Variants in WDPCP observed in about 807,000 individuals in gnomAD.
WDPCP encodes the protein WD repeat containing planar cell polarity effector, also known as WD repeat-containing and planar cell polarity effector protein fritz homolog.
Under a neutral mutation model 93.1 loss-of-function variants are expected in WDPCP, and 71 were observed. The ratio of observed to expected loss-of-function variants is 0.76; its 90% CI spans 0.63 to 0.93. The LOEUF is 0.93. Among genes scored for constraint, WDPCP ranks in the 40% least tolerant of loss-of-function variants. The pLI, the probability that WDPCP is intolerant of heterozygous loss-of-function variation, is 0.00. For synonymous variants in WDPCP, 315 were observed against 315.0 expected, an observed-to-expected ratio of 1.00 and a Z score of 0.00; for missense variants, 844 against 887.4, an observed-to-expected ratio of 0.95 and a Z score of 0.62.
At chr2:63,254,548 A>G (rs1045354528) in intron 14 of WDPCP, among the ~76,000 whole-genome samples, 1 of 152,148 alleles carries the variant, frequency 6.6e-6, no homozygotes, top group Non-Finnish European at 1.5e-5. Flanking sequence ...ATAATTATAT[A>G]TTAATATGCA....
intron 15 of WDPCP, among the ~76,000 whole-genome samples, chr2:63,156,854 T>C (rs1672292437): frequency 6.6e-6 from 1 of 152,198 alleles, no homozygotes; most frequent in Admixed American, 6.5e-5. Context: ...AAGGGATGGT[T>C]TCATTTCTTC....
In WDPCP at chr2:63,798,892, T is replaced by C. The variant is rs556130203; in HGVS notation, n.308+14730A>G. Among the ~76,000 whole-genome samples, 5 of 152,238 alleles carry C rather than the reference T, an allele frequency of 3.3e-5. No individual in the cohort carries two copies. The South Asian group carries it at 6.2e-4, about 19-fold the overall frequency. ...TAAAGGAATGGAACAATATATTCCA[T>C]GCCAATTAAAACAAACAAACAGATT... On this transcript the variant is annotated intron_variant and non_coding_transcript_variant, in intron 2 of 4. Coordinates refer to the WDPCP transcript ENST00000467687.
At chr2:63,545,570 C>T (rs111381424) in intron 1 of WDPCP, among the ~76,000 whole-genome samples, 34 of 151,894 alleles carry the variant, frequency 2.2e-4, no homozygotes, top group Non-Finnish European at 3.4e-4. Flanking sequence ...ATAATCTACC[C>T]GAACATTTTA....
chr2:63,358,794 G>C (rs1274599349), intron 12 of WDPCP, among the ~76,000 whole-genome samples: 1 of 152,098 alleles, frequency 6.6e-6, no homozygotes, highest in Middle Eastern at 3.2e-3. Flanking sequence ...GGTCAGCATA[G>C]ATGCAATTTA....
intron 1 of WDPCP, among the ~76,000 whole-genome samples, chr2:63,505,798 T>G (rs1701833106): frequency 6.6e-6 from 1 of 152,114 alleles, no homozygotes; most frequent in East Asian, 1.9e-4. Flanking sequence ...ACAAAGCATC[T>G]ACTAAGTGCA....
intron 6 of WDPCP, among the ~76,000 whole-genome samples, chr2:63,463,361 C>G (rs1278481092): frequency 6.6e-6 from 1 of 152,016 alleles, no homozygotes; most frequent in Non-Finnish European, 1.5e-5. Flanking sequence ...AATGGAGACT[C>G]TAAATACAGA....
chr2:63,233,380 A>G (rs1201353000), intron 14 of WDPCP: 11 of 248,676 alleles, frequency 4.4e-5, no homozygotes, highest in Non-Finnish European at 8.7e-5. Flanking sequence ...ATAAATCCAC[A>G]GAGTCTACAC....
At chr2:63,548,023 TCA>T (rs1165180670) in intron 1 of WDPCP, among the ~76,000 whole-genome samples, 37 of 152,170 alleles carry the variant, frequency 2.4e-4, no homozygotes, top group African/African-American at 7.5e-4. Flanking sequence ...ATCAAAATTA[TCA>T]CATACTCTGA....
intron 10 of WDPCP, among the ~76,000 whole-genome samples, chr2:63,389,263 G>A (rs574179651): frequency 6.6e-6 from 1 of 152,142 alleles, no homozygotes; most frequent in Admixed American, 6.6e-5. Flanking sequence ...TTAAAGAAAA[G>A]AATTTTCAAC....
chr2:63,680,365 G>A (rs1322781297), intron 2 of WDPCP, among the ~76,000 whole-genome samples: 1 of 152,236 alleles, frequency 6.6e-6, no homozygotes, highest in Non-Finnish European at 1.5e-5. Context: ...GCACAGCATG[G>A]AGAATCTGTG....
chr2:63,162,620 A>C (rs1349618113), intron 15 of WDPCP, among the ~76,000 whole-genome samples: 1 of 152,170 alleles, frequency 6.6e-6, no homozygotes, highest in African/African-American at 2.4e-5. Flanking sequence ...CTTATTATTA[A>C]ATATTTCATG....
intron 1 of WDPCP, among the ~76,000 whole-genome samples, chr2:63,532,981 C>T (rs1225120386): frequency 6.6e-6 from 1 of 152,024 alleles, no homozygotes; most frequent in East Asian, 1.9e-4. Context: ...TGTGCAGAGA[C>T]ACATATAGAC....
At chr2:63,638,933 A>G (rs1424060950) in intron 3 of WDPCP, among the ~76,000 whole-genome samples, 2 of 152,246 alleles carry the variant, frequency 1.3e-5, no homozygotes, top group Non-Finnish European at 2.9e-5. Context: ...AGAAGAAAAC[A>G]GGGATATCAT....
chr2:63,792,900 T>C (rs1396486368), intron 2 of WDPCP, among the ~76,000 whole-genome samples: 1 of 151,492 alleles, frequency 6.6e-6, no homozygotes, highest in East Asian at 1.9e-4. Flanking sequence ...AATAACATCA[T>C]AGATTCAAAT....
At chr2:63,288,422 T>G (rs573697086) in intron 13 of WDPCP, among the ~76,000 whole-genome samples, 1 of 152,344 alleles carries the variant, frequency 6.6e-6, no homozygotes, top group Non-Finnish European at 1.5e-5. Flanking sequence ...GCAGCATTTC[T>G]GTGGCCAAAT....
chr2:63,398,059 C>T (rs1480703022), intron 10 of WDPCP, among the ~76,000 whole-genome samples: 1 of 152,076 alleles, frequency 6.6e-6, no homozygotes, highest in African/African-American at 2.4e-5. Flanking sequence ...AGTGGTGGCG[C>T]TAGTCTTGGA....
the WDPCP span, among the ~76,000 whole-genome samples, chr2:63,834,672 AC>A: frequency 3.3e-5 from 5 of 152,336 alleles, no homozygotes; most frequent in African/African-American, 9.6e-5. Context: ...TGATAAAAAA[AC>A]ATCTAATAAT....
At chr2:63,565,218 C>T (rs145068319) in intron 1 of WDPCP, among the ~76,000 whole-genome samples, 10 of 152,280 alleles carry the variant, frequency 6.6e-5, no homozygotes, top group African/African-American at 2.4e-4. Context: ...AAATTTTCAA[C>T]CTTCAAAGCT....
intron 6 of WDPCP, among the ~76,000 whole-genome samples, chr2:63,470,944 T>G (rs926039487): frequency 6.6e-6 from 1 of 152,126 alleles, no homozygotes; most frequent in Non-Finnish European, 1.5e-5. Context: ...CTTCCATGGT[T>G]TACTCCCTCA....
Sources: gnomAD v4.1 joint callset for allele counts (sites outside exome capture counted in the v4.1 genomes callset) on GRCh38, gnomAD v4.1.1 for gene constraint, MANE v1.5 for transcripts, NCBI Gene and HGNC (gene_info 2026-07-23, HGNC 2026-07-21) for gene names.